The following AKAP19 variants were observed in gnomAD, a reference collection of about 807,000 sequenced individuals.
AKAP19 encodes the protein A-kinase anchoring protein 19.
chr2:189,967,279 C>A, the AKAP19 span, among the ~76,000 whole-genome samples: 1 of 152,282 alleles, frequency 6.6e-6, no homozygotes, highest in African/African-American at 2.4e-5. Context: ...CACCTATCAA[C>A]CTGGAATAGG....
the AKAP19 span, among the ~76,000 whole-genome samples, chr2:190,066,237 G>A: frequency 6.6e-6 from 1 of 152,086 alleles, no homozygotes; most frequent in Non-Finnish European, 1.5e-5. Flanking sequence ...GGTGGCAAGC[G>A]AAACTCTCTC....
the AKAP19 span, chr2:190,060,039 T>A: frequency 6.2e-7 from 1 of 1,604,894 alleles, no homozygotes; most frequent in South Asian, 1.1e-5. Flanking sequence ...GTTATTATAA[T>A]GTTATTTTCA....
chr2:190,125,209 A>C, the AKAP19 span, among the ~76,000 whole-genome samples: 1 of 152,216 alleles, frequency 6.6e-6, no homozygotes, highest in South Asian at 2.1e-4. Context: ...TGAGTTGTGC[A>C]TTGTACTATG....
chr2:190,099,711 A>G, the AKAP19 span, among the ~76,000 whole-genome samples: 2 of 152,244 alleles, frequency 1.3e-5, no homozygotes, highest in South Asian at 4.1e-4. Context: ...GTGAAATGCA[A>G]TAAAATGAGG....
chr2:189,899,127 A>G, the AKAP19 span, among the ~76,000 whole-genome samples: 1 of 152,178 alleles, frequency 6.6e-6, no homozygotes, highest in Admixed American at 6.6e-5. Context: ...TGTCAGTTCT[A>G]GAGCTACCCA....
At chr2:190,002,856 C>T in the AKAP19 span, among the ~76,000 whole-genome samples, 1 of 152,088 alleles carries the variant, frequency 6.6e-6, no homozygotes, top group Non-Finnish European at 1.5e-5. Context: ...ACTTAGATTT[C>T]TTGTAAATGT....
the AKAP19 span, chr2:190,180,969 G>A: frequency 1.0e-6 from 1 of 985,608 alleles, no homozygotes; most frequent in Non-Finnish European, 1.2e-6. This position sits in a 1 kb window ranked among gnomAD's most constrained non-coding sequence, Gnocchi z 6.8. Flanking sequence ...CGCCCGCCCA[G>A]ACGCCAGCAA....
the AKAP19 span, among the ~76,000 whole-genome samples, chr2:190,105,031 A>C: frequency 1.3e-5 from 2 of 152,232 alleles, no homozygotes; most frequent in African/African-American, 2.4e-5. Context: ...GCTTATACAC[A>C]GTTAGTGGAA....
chr2:190,139,953 C>T, the AKAP19 span, among the ~76,000 whole-genome samples: 2 of 152,130 alleles, frequency 1.3e-5, no homozygotes, highest in African/African-American at 4.8e-5. Flanking sequence ...CCTGTAAAAT[C>T]AAAAGCAAGT....
At chr2:190,159,029 C>A in the AKAP19 span, among the ~76,000 whole-genome samples, 10 of 152,152 alleles carry the variant, frequency 6.6e-5, no homozygotes, top group Admixed American at 6.5e-4. Flanking sequence ...GTGGAAGGGG[C>A]TGTGATGCAG....
the AKAP19 span, among the ~76,000 whole-genome samples, chr2:189,889,722 G>C: frequency 6.6e-6 from 1 of 152,158 alleles, no homozygotes; most frequent in African/African-American, 2.4e-5. Context: ...GCATAGAGTT[G>C]TTTATAGTAT....
chr2:190,048,042 G>A, the AKAP19 span, among the ~76,000 whole-genome samples: 1 of 152,142 alleles, frequency 6.6e-6, no homozygotes, highest in South Asian at 2.1e-4. Flanking sequence ...GGGTAGGGTT[G>A]CAACTAGTTA....
chr2:189,943,886 C>G, the AKAP19 span, among the ~76,000 whole-genome samples: 10 of 152,194 alleles, frequency 6.6e-5, no homozygotes, highest in African/African-American at 2.2e-4. Flanking sequence ...GCTGATTTCT[C>G]CCTTTTAGAA....
chr2:190,079,878 TGTGTGTGTGTGTGA>T, the AKAP19 span: 7 of 148,378 alleles, frequency 4.7e-5, no homozygotes, highest in African/African-American at 1.0e-4. Context: ...TGTGTGTGTG[TGTGTGTGTGTGTGA>T]GAGAGAGAGA....
chr2:189,880,162 T>C, the AKAP19 span, among the ~76,000 whole-genome samples: 1 of 152,142 alleles, frequency 6.6e-6, no homozygotes, highest in South Asian at 2.1e-4. Context: ...ACTAAAAGTG[T>C]AAATAGGAGC....
At chr2:190,004,096 C>T in the AKAP19 span, among the ~76,000 whole-genome samples, 1 of 146,472 alleles carries the variant, frequency 6.8e-6, no homozygotes, top group Non-Finnish European at 1.5e-5. Context: ...TAATCTCTCT[C>T]TCTCTACTCT....
At chr2:190,067,541 A>T in the AKAP19 span, among the ~76,000 whole-genome samples, 1 of 152,188 alleles carries the variant, frequency 6.6e-6, no homozygotes, top group African/African-American at 2.4e-5. Context: ...AGAAATGTAA[A>T]TATTATTGTA....
At chr2:190,069,572 T>A in the AKAP19 span, among the ~76,000 whole-genome samples, 3 of 152,288 alleles carry the variant, frequency 2.0e-5, no homozygotes, top group East Asian at 3.9e-4. Flanking sequence ...CTTAGAAAAA[T>A]TTAGTTCTTT....
At chr2:189,939,190 C>A in the AKAP19 span, among the ~76,000 whole-genome samples, 1 of 152,162 alleles carries the variant, frequency 6.6e-6, no homozygotes, top group South Asian at 2.1e-4. Context: ...AAAGGAGATG[C>A]CAAATCAATC....
Sources: allele counts gnomAD v4.1 joint callset (sites outside exome capture counted in the v4.1 genomes callset), GRCh38; gene constraint gnomAD v4.1.1; non-coding constraint Gnocchi (gnomAD v3.1); transcripts MANE v1.5; gene names NCBI Gene and HGNC (gene_info 2026-07-23, HGNC 2026-07-21).